The following GRIP1 variants were observed in gnomAD, a reference collection of about 807,000 sequenced individuals.
The protein encoded by GRIP1 is glutamate receptor-interacting protein 1.
In GRIP1, 45 loss-of-function variants were observed where a neutral mutation model predicts 129.9. That is an observed-to-expected ratio of 0.35 (90% confidence interval 0.27 to 0.44). GRIP1 has a LOEUF of 0.44. Ranked by LOEUF, GRIP1 falls within the 20% of genes least tolerant of loss-of-function variation. GRIP1 has a pLI of 1.00. For synonymous variants in GRIP1, 530 were observed against 520.8 expected, an observed-to-expected ratio of 1.02 and a Z score of -0.24; for missense variants, 1,196 against 1,396.8, an observed-to-expected ratio of 0.86 and a Z score of 2.29.
chr12:66,632,526 G>T (rs973299807), intron 1 of GRIP1, among the ~76,000 whole-genome samples: 3 of 152,046 alleles, frequency 2.0e-5, no homozygotes, highest in African/African-American at 7.2e-5. Context: ...AAAAAGGAAG[G>T]TTTCTTCCCT....
chr12:66,658,265 A>G (rs1565947291), intron 1 of GRIP1, among the ~76,000 whole-genome samples: 1 of 152,218 alleles, frequency 6.6e-6, no homozygotes, highest in East Asian at 1.9e-4. Flanking sequence ...TGAGAACTTA[A>G]TGCAACCTAA....
chr12:66,715,046 C>A lies in GRIP1; in HGVS notation c.-419-84710G>T, dbSNP rs574204719. ...TTACAACTCCCTTCTCCTTCCTATG[C>A]CCACTTCCACTGCTCTAGTGTAGGC... On this transcript the variant is annotated intron_variant, in intron 1 of 4. Transcript: ENST00000538373. Among the ~76,000 whole-genome samples the A allele has an allele frequency of 2.0e-5, 3 of 152,146 alleles. No individual in the cohort carries two copies. In the East Asian group the frequency reaches 5.8e-4, roughly 29 times the overall value.
intron 1 of GRIP1, among the ~76,000 whole-genome samples, chr12:66,815,828 C>CTTTCTTTCTTTCTT (rs1416357886): frequency 1.3e-3 from 61 of 46,950 alleles, no homozygotes; most frequent in African/African-American, 3.4e-3. Flanking sequence ...AGATTTCTTT[C>CTTTCTTTCTTTCTT]TTTCTTTCTT....
intron 1 of GRIP1, among the ~76,000 whole-genome samples, chr12:66,856,039 A>G (rs1351020974): frequency 6.6e-6 from 1 of 152,054 alleles, no homozygotes; most frequent in Non-Finnish European, 1.5e-5. Flanking sequence ...ATTTTATAGC[A>G]TTTCTAGATT....
chr12:66,774,956 T>G (rs1195298575), intron 1 of GRIP1, among the ~76,000 whole-genome samples: 1 of 152,192 alleles, frequency 6.6e-6, no homozygotes, highest in Non-Finnish European at 1.5e-5. Flanking sequence ...GGGCTGTCTC[T>G]TACACAGAAT....
rs116250415 is a variant in GRIP1 at position 66,936,819 on chromosome 12, C to T, written c.58+132231G>A. On this transcript the variant is annotated intron_variant, in intron 1 of 1. Coordinates refer to the GRIP1 transcript ENST00000643019. ...CCAGGGTAACCACAAAATTAGCATG[C>T]GTATTCAGCATGAACAAAAAAATGG... Among the ~76,000 whole-genome samples the T allele has an allele frequency of 5.4e-3, 815 of 152,202 alleles. 6 individuals carry two copies. The highest frequency in any genetic ancestry group is 0.012 in the South Asian group (60 of 4,816).
Position 66,758,520 on chromosome 12 carries a change from A to G in GRIP1, c.-420+45533T>C, listed in dbSNP as rs2037370958. On this transcript the variant is annotated intron_variant, in intron 1 of 4. Coordinates refer to the GRIP1 transcript ENST00000538373. ...CTCATGTCCTCACATTTCAAAACCA[A>G]TCATGCTTTCCCAACAGTCCTCCAA... Among the ~76,000 whole-genome samples the G allele has an allele frequency of 1.3e-5, 2 of 152,202 alleles. 1 individual carries two copies. Among genetic ancestry groups the G allele is most frequent in the South Asian group, 4.1e-4 (2 of 4,824 alleles).
intron 1 of GRIP1, among the ~76,000 whole-genome samples, chr12:67,036,956 T>C (rs1165668096): frequency 6.6e-6 from 1 of 152,034 alleles, no homozygotes; most frequent in African/African-American, 2.4e-5. Flanking sequence ...AAAACCCGTG[T>C]GAGTCTCCGA....
At chr12:67,049,028 G>T (rs1332026182) in intron 1 of GRIP1, among the ~76,000 whole-genome samples, 3 of 151,900 alleles carry the variant, frequency 2.0e-5, no homozygotes, top group African/African-American at 7.3e-5. Context: ...GTCTCACTAT[G>T]CTGCCCAGGC....
intron 16 of GRIP1, among the ~76,000 whole-genome samples, chr12:66,402,603 A>G (rs2057042749): frequency 6.6e-6 from 1 of 152,226 alleles, no homozygotes; most frequent in African/African-American, 2.4e-5. Flanking sequence ...CTGTGACCAG[A>G]GAGAGAATCA....
intron 15 of GRIP1, chr12:66,407,423 T>C (rs555800481): frequency 5.3e-5 from 8 of 152,354 alleles, no homozygotes; most frequent in African/African-American, 1.9e-4. Context: ...CTTCATATCA[T>C]TGAAAGAGGC....
At chr12:66,789,790 A>G (rs1266459761) in intron 1 of GRIP1, among the ~76,000 whole-genome samples, 2 of 152,184 alleles carry the variant, frequency 1.3e-5, no homozygotes, top group East Asian at 3.8e-4. Context: ...GTGACAAGAT[A>G]GTTACAGTAA....
intron 1 of GRIP1, among the ~76,000 whole-genome samples, chr12:67,004,472 C>T (rs747147030): frequency 3.9e-5 from 6 of 152,052 alleles, no homozygotes; most frequent in Non-Finnish European, 7.4e-5. Context: ...AATCATGCCC[C>T]TCAGAACTTG....
intron 1 of GRIP1, among the ~76,000 whole-genome samples, chr12:66,687,607 C>T (rs367899072): frequency 1.3e-5 from 2 of 152,208 alleles, no homozygotes; most frequent in African/African-American, 2.4e-5. Context: ...CAATACTAAA[C>T]ATGTAGTTCT....
intron 2 of GRIP1, 106 bp downstream of exon 2, chr12:66,596,741 A>ATTT (rs1182352908): frequency 1.8e-6 from 1 of 556,232 alleles, no homozygotes; most frequent in Non-Finnish European, 3.4e-6. Flanking sequence ...AAATAACATG[A>ATTT]TTTATTATTA....
At chr12:66,738,704 G>T (rs2036691444) in intron 1 of GRIP1, among the ~76,000 whole-genome samples, 1 of 152,204 alleles carries the variant, frequency 6.6e-6, no homozygotes, top group African/African-American at 2.4e-5. Flanking sequence ...TAGTCCAGGG[G>T]ACAGTTGATG....
chr12:66,800,031 C>T (rs1368010988), intron 1 of GRIP1, among the ~76,000 whole-genome samples: 1 of 152,138 alleles, frequency 6.6e-6, no homozygotes, highest in Non-Finnish European at 1.5e-5. Context: ...TAAATGCATA[C>T]AATGCATCAT....
intron 1 of GRIP1, among the ~76,000 whole-genome samples, chr12:66,952,138 A>G (rs569570583): frequency 6.6e-6 from 1 of 152,170 alleles, no homozygotes; most frequent in Non-Finnish European, 1.5e-5. Context: ...GGGAGGGGAA[A>G]AGAAAGAAGC....
intron 1 of GRIP1, among the ~76,000 whole-genome samples, chr12:66,828,278 G>A (rs747324481): frequency 6.6e-6 from 1 of 152,198 alleles, no homozygotes; most frequent in Non-Finnish European, 1.5e-5. Context: ...GAGAGCAAGA[G>A]ACTGCCAAAG....
Sources: allele counts gnomAD v4.1 joint callset (sites outside exome capture counted in the v4.1 genomes callset), GRCh38; gene constraint gnomAD v4.1.1; transcripts MANE v1.5; gene names NCBI Gene and HGNC (gene_info 2026-07-23, HGNC 2026-07-21).